The following LRRC75A variants were observed in gnomAD, a reference collection of about 807,000 sequenced individuals.
LRRC75A encodes leucine-rich repeat-containing protein 75A.
In LRRC75A, 12 loss-of-function variants were observed where a neutral mutation model predicts 26.0. The ratio of observed to expected loss-of-function variants is 0.46; its 90% CI spans 0.30 to 0.75. The LOEUF is 0.75. Among genes scored for constraint, LRRC75A ranks in the 30% least tolerant of loss-of-function variants. LRRC75A has a pLI of 0.08. For missense variants in LRRC75A, 410 were observed against 486.6 expected (o/e 0.84, Z 1.48); for synonymous variants, 223 against 219.3 (o/e 1.02, Z -0.15).
chr17:16,485,488 C>T (rs1371849163), intron 1 of LRRC75A, among the ~76,000 whole-genome samples: 1 of 152,162 alleles, frequency 6.6e-6, no homozygotes, highest in African/African-American at 2.4e-5. Flanking sequence ...CTGCCAGCAC[C>T]TTCATCTTGG....
chr17:16,445,753 T>C (rs1313416109), intron 3 of LRRC75A, among the ~76,000 whole-genome samples: 1 of 152,254 alleles, frequency 6.6e-6, no homozygotes, highest in East Asian at 1.9e-4. Flanking sequence ...GATTTAACTT[T>C]GGTGCTATTA....
intron 1 of LRRC75A, among the ~76,000 whole-genome samples, chr17:16,485,631 A>AGTGTGTGTGTGTGTGTGTGTGTCTGT (rs2093844537): frequency 3.1e-5 from 4 of 128,402 alleles, no homozygotes; most frequent in Non-Finnish European, 6.6e-5. Flanking sequence ...CAGGACAAGC[A>AGTGTGTGTGTGTGTGTGTGTGTCTGT]GTGTGTGTGT....
Position 16,491,732 on chromosome 17 carries a change from TC to T in LRRC75A, c.246+12del. ...GGCCCGGCGCGCCCCCCGCGCCCCCTCCCCGCGCTCACCTGGCGCAGGTGCT... is the reference window on the plus strand; with the variant it reads ...GGCCCGGCGCGCCCCCCGCGCCCCCTCCCGCGCTCACCTGGCGCAGGTGCT... On this transcript the variant is annotated intron_variant, in intron 1 of 3. Coordinates refer to ENST00000470794, the MANE Select transcript of LRRC75A (RefSeq NM_001113567.3). The surrounding 1 kb of genome is among the most constrained non-coding windows in gnomAD (Gnocchi z 5.9). The T allele has an allele frequency of 8.5e-7, 1 of 1,181,604 alleles. No individual in the cohort carries two copies. The highest frequency in any genetic ancestry group is 1.1e-6 in the Non-Finnish European group (1 of 932,784). 73.2% of individuals were successfully genotyped at this position (1,181,604 alleles called of 1,614,324 possible). A position where few individuals can be genotyped will look rare whatever the true frequency, so the allele number is the denominator to read the frequency against.
At chr17:16,451,635 AT>A (rs199667432) in intron 2 of LRRC75A, among the ~76,000 whole-genome samples, 9 of 149,006 alleles carry the variant, frequency 6.0e-5, no homozygotes, top group South Asian at 2.1e-4. Flanking sequence ...AAAAAAAATA[AT>A]AATAATAATA....
rs1377242118 is a variant in LRRC75A at position 16,491,681 on chromosome 17, G to C, written c.246+64C>G. ...CGGCTTCCTCGGTTAGGGATGGGGC[G>C]CCCCCCCCGGCCCAGCACGCCCCCT... On this transcript the variant is annotated intron_variant, in intron 1 of 3. Coordinates refer to ENST00000470794, the MANE Select transcript of LRRC75A (RefSeq NM_001113567.3). This position sits in a 1 kb window ranked among gnomAD's most constrained non-coding sequence, Gnocchi z 5.9. 1.0e-5 allele frequency: 12 copies of C among 1,151,202 alleles called. No homozygotes were observed. The highest frequency in any genetic ancestry group is 3.3e-4 in the Middle Eastern group (1 of 3,000). 71.3% of individuals were successfully genotyped at this position (1,151,202 alleles called of 1,614,324 possible). A position where few individuals can be genotyped will look rare whatever the true frequency, so the allele number is the denominator to read the frequency against.
chr17:16,443,483 T>A lies in LRRC75A; in HGVS notation c.*105A>T. The A allele has an allele frequency of 8.8e-7, 1 of 1,133,482 alleles. No homozygotes were observed. The highest frequency in any genetic ancestry group is 1.2e-6 in the Non-Finnish European group (1 of 831,168). 70.2% of individuals were successfully genotyped at this position (1,133,482 alleles called of 1,614,324 possible). A position where few individuals can be genotyped will look rare whatever the true frequency, so the allele number is the denominator to read the frequency against. On this transcript the variant is annotated 3_prime_UTR_variant, in exon 4 of 4. Coordinates refer to ENST00000470794, the MANE Select transcript of LRRC75A (RefSeq NM_001113567.3). ...CTGTAGGTGGGTGGCCCAGGCCAAT[T>A]TTTGGCAATATCCTTAACCCACCTG...
At chr17:16,459,441 G>A (rs1033326426) in intron 2 of LRRC75A, among the ~76,000 whole-genome samples, 10 of 152,194 alleles carry the variant, frequency 6.6e-5, no homozygotes, top group African/African-American at 9.7e-5. Context: ...GAGCAGCGAC[G>A]TCCCTAAGAT....
chr17:16,446,034 G>A (rs2093581985), intron 3 of LRRC75A, among the ~76,000 whole-genome samples: 1 of 152,204 alleles, frequency 6.6e-6, no homozygotes, highest in Non-Finnish European at 1.5e-5. Flanking sequence ...TCAGCCTTCT[G>A]AGTAGCTGGG....
intron 1 of LRRC75A, among the ~76,000 whole-genome samples, chr17:16,486,834 C>G (rs2093848086): frequency 6.6e-6 from 1 of 152,238 alleles, no homozygotes; most frequent in African/African-American, 2.4e-5. Flanking sequence ...ACAGTACTAA[C>G]AAGCCTGGTA....
At chr17:16,446,543 C>T (rs1441125202) in intron 3 of LRRC75A, among the ~76,000 whole-genome samples, 2 of 152,000 alleles carry the variant, frequency 1.3e-5, no homozygotes, top group Admixed American at 6.6e-5. Context: ...GTGGCTGGGG[C>T]GGGAGAGCAG....
chr17:16,453,149 C>T (rs1363409503), intron 2 of LRRC75A, among the ~76,000 whole-genome samples: 2 of 152,036 alleles, frequency 1.3e-5, no homozygotes, highest in South Asian at 2.1e-4. Context: ...ATTAGCCAGG[C>T]GTAGTCGTGG....
chr17:16,443,556 A>G lies in LRRC75A; in HGVS notation c.*32T>C, dbSNP rs1187596258. The stretch of plus-strand genomic sequence containing the variant: ...CCTGCCTTGCCCATTCTACCCAACA[A>G]GGACTCCCTGGTGAGGCCCTTCACT... On this transcript the variant is annotated 3_prime_UTR_variant, in exon 4 of 4. Coordinates refer to ENST00000470794, the MANE Select transcript of LRRC75A (RefSeq NM_001113567.3). 28 of 1,474,934 alleles carry G rather than the reference A, an allele frequency of 1.9e-5. No homozygotes were observed. The highest frequency in any genetic ancestry group is 2.4e-5 in the Non-Finnish European group (27 of 1,105,426). 91.4% of individuals were successfully genotyped at this position (1,474,934 alleles called of 1,614,324 possible).
rs370742291 is a variant in LRRC75A at position 16,451,394 on chromosome 17, A to G, written c.376-3434T>C. On this transcript the variant is annotated intron_variant, in intron 2 of 3. Transcript: ENST00000470794. ...CCAGCACGTTGGGAGGCCAAGGTGG[A>G]TGGATCACCTGAGGTCAGGAGTTCG... Among the ~76,000 whole-genome samples, 13 of 152,098 alleles carry G rather than the reference A, an allele frequency of 8.5e-5. No homozygotes were observed. The East Asian group carries it at 2.3e-3, about 27-fold the overall frequency.
rs576548650 is a variant in LRRC75A at position 16,443,022 on chromosome 17, T to C, written c.*566A>G. The C allele has an allele frequency of 6.5e-6, 1 of 152,748 alleles. No individual in the cohort carries two copies. The highest frequency in any genetic ancestry group is 2.1e-4 in the South Asian group (1 of 4,842). The allele number at this position is 152,748 out of a possible 1,614,324, so 9.5% of individuals were successfully genotyped here. ...CTAGAATCAAGGTGGGCCTCAGAAATAGGGCTGGGTCTCCATAAGGAGGTA... is the reference window on the plus strand; with the variant it reads ...CTAGAATCAAGGTGGGCCTCAGAAACAGGGCTGGGTCTCCATAAGGAGGTA... On this transcript the variant is annotated 3_prime_UTR_variant, in exon 4 of 4. Transcript: ENST00000470794.
At position 16,492,020 on chromosome 17, in the gene LRRC75A, C is replaced by T; in HGVS notation, c.-30G>A. 8.8e-7 allele frequency: 1 copy of T among 1,136,880 alleles called. No individual in the cohort carries two copies. The highest frequency in any genetic ancestry group is 1.1e-6 in the Non-Finnish European group (1 of 929,606). The allele number at this position is 1,136,880 out of a possible 1,614,324, so 70.4% of individuals were successfully genotyped here. On this transcript the variant is annotated 5_prime_UTR_variant, in exon 1 of 4. Coordinates refer to ENST00000470794, the MANE Select transcript of LRRC75A (RefSeq NM_001113567.3). ...CCGCCGCCCGCCGGGACTCTCCGCTCTGGGCCGCGAGGCCGCGTCCCCGCC... is the reference window on the plus strand; with the variant it reads ...CCGCCGCCCGCCGGGACTCTCCGCTTTGGGCCGCGAGGCCGCGTCCCCGCC...
intron 1 of LRRC75A, among the ~76,000 whole-genome samples, chr17:16,475,024 T>C (rs2093816481): frequency 6.6e-6 from 1 of 151,678 alleles, no homozygotes; most frequent in Non-Finnish European, 1.5e-5. Context: ...GAGAAACATT[T>C]GGTTCATCCT....
At chr17:16,476,838 A>C (rs1054016960) in intron 1 of LRRC75A, among the ~76,000 whole-genome samples, 7 of 147,346 alleles carry the variant, frequency 4.8e-5, no homozygotes, top group Non-Finnish European at 3.0e-5. Context: ...TCCCGGGTTC[A>C]CGCCATTCTC....
chr17:16,457,990 C>T (rs981701161), intron 2 of LRRC75A, among the ~76,000 whole-genome samples: 6 of 151,428 alleles, frequency 4.0e-5, no homozygotes, highest in African/African-American at 1.5e-4. Flanking sequence ...AACAAACAAA[C>T]AAATACAAAC....
chr17:16,459,460 G>T (rs1235620013), intron 2 of LRRC75A, among the ~76,000 whole-genome samples: 1 of 152,194 alleles, frequency 6.6e-6, no homozygotes, highest in African/African-American at 2.4e-5. Context: ...ATAGGAGAGG[G>T]TGTGGAGGTG....
Sources: allele counts gnomAD v4.1 joint callset (sites outside exome capture counted in the v4.1 genomes callset), GRCh38; gene constraint gnomAD v4.1.1; non-coding constraint Gnocchi (gnomAD v3.1); transcripts MANE v1.5; gene names NCBI Gene and HGNC (gene_info 2026-07-23, HGNC 2026-07-21).